SLC12A1: variants seen among roughly 807,000 people sequenced by gnomAD.
The protein encoded by SLC12A1 is Na-K-2Cl cotransporter.
SLC12A1 carries 89 observed loss-of-function variants against 130.4 expected under a neutral mutation model. That is an observed-to-expected ratio of 0.68 (90% CI 0.58 to 0.81). The LOEUF is 0.81. SLC12A1 is among the 40% of genes least tolerant of loss of function. The pLI, the probability that SLC12A1 is intolerant of heterozygous loss-of-function variation, is 0.00. For synonymous variants in SLC12A1, 499 were observed against 460.0 expected (o/e 1.08, Z -1.09); for missense variants, 1,310 against 1,336.4 (o/e 0.98, Z 0.31).
intron 4 of SLC12A1, chr15:48,224,341 G>A (rs1366523183): frequency 6.6e-6 from 1 of 152,182 alleles, no homozygotes; most frequent in Non-Finnish European, 1.5e-5. Flanking sequence ...AAATTAGATT[G>A]ACAAAAGTCA....
At chr15:48,222,407 A>C (rs185806751) in intron 4 of SLC12A1, 17 of 152,244 alleles carry the variant, frequency 1.1e-4, no homozygotes, top group African/African-American at 3.9e-4. Context: ...AACTGTAGAG[A>C]ATGAAGAATC....
intron 11 of SLC12A1, among the ~76,000 whole-genome samples, chr15:48,245,439 C>A (rs1027553091): frequency 6.6e-6 from 1 of 152,080 alleles, no homozygotes; most frequent in Non-Finnish European, 1.5e-5. Flanking sequence ...CCTCTCTGGT[C>A]GCCCCCAGTG....
intron 2 of SLC12A1, among the ~76,000 whole-genome samples, chr15:48,218,990 A>T (rs577311034): frequency 6.6e-6 from 1 of 152,332 alleles, no homozygotes; most frequent in African/African-American, 2.4e-5. Flanking sequence ...TGAGAATGGA[A>T]GTCTTTTTCA....
chr15:48,240,090 TCCATATATATATATATATATCC>T (rs2041496319), intron 9 of SLC12A1, among the ~76,000 whole-genome samples: 1 of 86,014 alleles, frequency 1.2e-5, no homozygotes, highest in Non-Finnish European at 2.1e-5. Flanking sequence ...TATATATATA[TCCATATATATATATATATATCC>T]ATATATATAT....
chr15:48,254,365 T>C (rs896352202), intron 15 of SLC12A1, among the ~76,000 whole-genome samples: 1 of 151,980 alleles, frequency 6.6e-6, no homozygotes, highest in Admixed American at 6.6e-5. Flanking sequence ...TTTTTATCCC[T>C]ATAAAAATAA....
chr15:48,229,309 C>T lies in SLC12A1; in HGVS notation c.845C>T (p.Thr282Ile). The change falls in exon 6 of 27, where the codon ACT becomes ATT. Residue 282 changes from threonine to isoleucine, a missense_variant. Physicochemically the swap from Thr to Ile is moderately conservative, Grantham distance 89. Transcript: ENST00000380993. ...ATGTATGTGGTGGGATTTGCTGAGA[C>T]TGTAGTAGATCTTCTTAAGGTAATT... is the stretch of plus-strand genomic sequence containing the variant. ...VAMYVVGFAE[T>I]VVDLLKESDS... The T allele has an allele frequency of 6.2e-7, 1 of 1,602,674 alleles. No individual in the cohort carries two copies. Among genetic ancestry groups the T allele is most frequent in the Non-Finnish European group, 8.5e-7 (1 of 1,174,172 alleles).
intron 20 of SLC12A1, among the ~76,000 whole-genome samples, chr15:48,284,613 T>C (rs1441916372): frequency 6.6e-6 from 1 of 152,222 alleles, no homozygotes; most frequent in Non-Finnish European, 1.5e-5. Context: ...GACAACTTTC[T>C]GAATACAATT....
intron 24 of SLC12A1, among the ~76,000 whole-genome samples, chr15:48,297,937 A>G (rs80060744): frequency 0.029 from 4,464 of 152,310 alleles, 104 homozygotes; most frequent in African/African-American, 0.063. Flanking sequence ...AAGTTGAAAG[A>G]ATAATAGGGC....
At chr15:48,289,429 A>AT (rs60319528) in intron 23 of SLC12A1, among the ~76,000 whole-genome samples, 19,843 of 116,786 alleles carry the variant, frequency 0.17, 2,325 homozygotes, top group East Asian at 0.29. Flanking sequence ...ATATATATAT[A>AT]ATGTATAACT....
At chr15:48,241,990 A>T (rs559118818) in intron 10 of SLC12A1, among the ~76,000 whole-genome samples, 4 of 152,318 alleles carry the variant, frequency 2.6e-5, no homozygotes, top group African/African-American at 9.6e-5. Context: ...TTCAAACCTA[A>T]AAACAGCCTT....
intron 21 of SLC12A1, among the ~76,000 whole-genome samples, chr15:48,286,723 T>C (rs954408405): frequency 6.6e-6 from 1 of 152,230 alleles, no homozygotes; most frequent in African/African-American, 2.4e-5. Flanking sequence ...AAAGTAATAA[T>C]GTTATATACT....
chr15:48,303,038 T>C lies in SLC12A1; in HGVS notation c.*153T>C, dbSNP rs77852166. ...CATACATTGCATAATTTTTATCAGT[T>C]AATGCGAGCTTTTTTTTCTCTTCTC... On this transcript the variant is annotated 3_prime_UTR_variant, in exon 27 of 27. Transcript: ENST00000380993. 282 of 541,080 alleles carry C rather than the reference T, an allele frequency of 5.2e-4. No individual in the cohort carries two copies. The highest frequency in any genetic ancestry group is 4.5e-3 in the African/African-American group (231 of 51,740). The allele number at this position is 541,080 out of a possible 1,614,324, so 33.5% of individuals were successfully genotyped here.
At chr15:48,256,822 G>GC (rs57937723) in intron 16 of SLC12A1, among the ~76,000 whole-genome samples, 97,811 of 119,984 alleles carry the variant, frequency 0.82, 41,834 homozygotes, top group Non-Finnish European at 0.93. Flanking sequence ...TCCATCCCTG[G>GC]CCCCCCCCCC....
Position 48,288,478 on chromosome 15 carries a change from G to T in SLC12A1, c.2835G>T (p.Val945=), listed in dbSNP as rs542063479. ...KWKDCKLRIY[V]GGKINRIEEE... is the part of the protein sequence containing the mutation. ...AAGACTGTAAATTAAGAATCTATGT[G>T]GGAGGGAAGATCAACCGCATTGAAG... Residue 945 remains valine (V), a synonymous_variant, in exon 23 of 27, where the codon GTG becomes GTT. Transcript: ENST00000380993. 5.7e-5 allele frequency: 89 copies of T among 1,552,720 alleles called. No homozygotes were observed. The highest frequency in any genetic ancestry group is 4.5e-4 in the South Asian group (38 of 84,290).
chr15:48,211,470 C>A (rs1356920580), intron 2 of SLC12A1, among the ~76,000 whole-genome samples: 2 of 152,158 alleles, frequency 1.3e-5, no homozygotes, highest in African/African-American at 4.8e-5. Flanking sequence ...CCTCAAATCA[C>A]AACTAGAAAT....
chr15:48,226,537 T>C lies in SLC12A1; in HGVS notation c.690T>C (p.Thr230=). 1.9e-6 allele frequency: 3 copies of C among 1,610,682 alleles called. No homozygotes were observed. The highest frequency in any genetic ancestry group is 2.5e-6 in the Non-Finnish European group (3 of 1,178,306). The stretch of plus-strand genomic sequence containing the variant: ...TAACTTCTATTACTGGGTTGTCAAC[T>C]TCTGCGATAGCAACTAACGGGTTTG... ...TMVTSITGLS[T]SAIATNGFVR... The change falls in exon 5 of 27, where the codon ACT becomes ACC. Residue 230 remains threonine, a synonymous_variant. Coordinates refer to ENST00000380993, the MANE Select transcript of SLC12A1 (RefSeq NM_000338.3).
chr15:48,224,265 G>C (rs976847200), intron 4 of SLC12A1: 1 of 152,150 alleles, frequency 6.6e-6, no homozygotes, highest in Non-Finnish European at 1.5e-5. Flanking sequence ...CCATTAGAGA[G>C]GGTATTGTAG....
intron 20 of SLC12A1, among the ~76,000 whole-genome samples, chr15:48,282,964 C>T (rs964226312): frequency 3.3e-5 from 5 of 152,140 alleles, no homozygotes; most frequent in Non-Finnish European, 5.9e-5. Flanking sequence ...CTATTAGTTT[C>T]TTCATCTACA....
rs778687027 is a variant in SLC12A1, at chr15:48,299,128, T to C, written c.2961-12T>C. The stretch of plus-strand genomic sequence containing the variant: ...TCCCACTGTGAGGCCTCCTTTATAA[T>C]TCAAATTTTAGCTGGAAAGTCTTTG... On this transcript the variant is annotated splice_polypyrimidine_tract_variant and intron_variant, in intron 24 of 26. Coordinates refer to ENST00000380993, the MANE Select transcript of SLC12A1 (RefSeq NM_000338.3). The C allele has an allele frequency of 2.1e-5, 34 of 1,597,798 alleles. No individual in the cohort carries two copies. Among genetic ancestry groups the C allele is most frequent in the Non-Finnish European group, 2.8e-5 (33 of 1,174,988 alleles).
Sources: allele counts gnomAD v4.1 joint callset (sites outside exome capture counted in the v4.1 genomes callset), GRCh38; gene constraint gnomAD v4.1.1; transcripts MANE v1.5; gene names NCBI Gene and HGNC (gene_info 2026-07-23, HGNC 2026-07-21).